SND1: variants seen among roughly 807,000 people sequenced by gnomAD.
SND1 encodes staphylococcal nuclease domain-containing protein 1.
Under a neutral mutation model 121.7 loss-of-function variants are expected in SND1, and 38 were observed. That is an observed-to-expected ratio of 0.31 (90% CI 0.24 to 0.41). SND1 has a LOEUF of 0.41. Among genes scored for constraint, SND1 ranks in the 10% least tolerant of loss-of-function variants. The pLI, the probability that SND1 is intolerant of heterozygous loss-of-function variation, is 1.00. For missense variants in SND1, 868 were observed against 1,184.6 expected, an observed-to-expected ratio of 0.73 and a Z score of 3.92; for synonymous variants, 401 against 447.4, an observed-to-expected ratio of 0.90 and a Z score of 1.31.
intron 18 of SND1, chr7:128,081,987 T>C (rs1793611205): frequency 1.9e-6 from 1 of 533,088 alleles, no homozygotes; most frequent in African/African-American, 1.9e-5. Context: ...TAGCCCTGAG[T>C]GATAGCCAGT....
At chr7:127,742,672 T>C (rs1193293196) in intron 10 of SND1, among the ~76,000 whole-genome samples, 3 of 152,172 alleles carry the variant, frequency 2.0e-5, no homozygotes, top group Non-Finnish European at 4.4e-5. Context: ...ATGTTTTAAC[T>C]GTGTAGTCAT....
At position 127,922,199 on chromosome 7, in the gene SND1, T is replaced by TTTTTG. The variant is rs1554443304; in HGVS notation, c.1528-6982_1528-6978dup. 4.1e-3 allele frequency among the ~76,000 whole-genome samples: 380 copies of TTTTTG among 93,080 alleles called. 3 individuals carry two copies. Among genetic ancestry groups the TTTTTG allele is most frequent in the African/African-American group, 6.6e-3 (151 of 22,988 alleles). The allele number at this position is 93,080 out of a possible 152,430, so 61.1% of individuals were successfully genotyped here. On this transcript the variant is annotated intron_variant, in intron 14 of 23. Coordinates refer to ENST00000354725, the MANE Select transcript of SND1 (RefSeq NM_014390.4). Reference sequence around the variant, plus strand: ...CCTTTTTTTTTTTTTTTTTTTTTTTTTTTTGTTTTGTGAGGCAAGATCCCA... The same window carrying TTTTTG: ...CCTTTTTTTTTTTTTTTTTTTTTTTTTTTTGTTTTGTTTTGTGAGGCAAGATCCCA...
intron 1 of SND1, among the ~76,000 whole-genome samples, chr7:127,670,844 A>G (rs532406174): frequency 1.3e-5 from 2 of 152,210 alleles, no homozygotes; most frequent in Admixed American, 6.5e-5. Context: ...TAAAAAAAAA[A>G]AAAACCATGA....
At chr7:127,859,438 G>A (rs905162963) in intron 12 of SND1, among the ~76,000 whole-genome samples, 2 of 152,158 alleles carry the variant, frequency 1.3e-5, no homozygotes, top group Admixed American at 6.5e-5. Context: ...AGAACCAATA[G>A]GAATGAGTTT....
intron 14 of SND1, among the ~76,000 whole-genome samples, chr7:127,920,968 G>GT (rs1266024939): frequency 6.6e-6 from 1 of 152,050 alleles, no homozygotes; most frequent in Non-Finnish European, 1.5e-5. Flanking sequence ...ATTTCTAAAG[G>GT]TTAAATTGAA....
chr7:127,657,504 A>AT (rs1368232210), intron 1 of SND1, among the ~76,000 whole-genome samples: 1 of 151,974 alleles, frequency 6.6e-6, no homozygotes, highest in Non-Finnish European at 1.5e-5. Context: ...TTTATTTTTT[A>AT]TTTTTTTCAG....
intron 12 of SND1, among the ~76,000 whole-genome samples, chr7:127,860,824 G>A (rs571975777): frequency 6.6e-6 from 1 of 152,280 alleles, no homozygotes; most frequent in East Asian, 1.9e-4. Context: ...TTGGGGTGAT[G>A]AAATAAATTC....
intron 16 of SND1, among the ~76,000 whole-genome samples, chr7:127,992,758 A>G (rs1178702588): frequency 6.6e-6 from 1 of 152,180 alleles, no homozygotes; most frequent in African/African-American, 2.4e-5. Context: ...CCCACTGATG[A>G]GATCCAAAAG....
intron 10 of SND1, among the ~76,000 whole-genome samples, chr7:127,760,899 A>G (rs1797294131): frequency 6.6e-6 from 1 of 152,194 alleles, no homozygotes; most frequent in South Asian, 2.1e-4. Flanking sequence ...ATGAACCAGA[A>G]ACTATATTGT....
chr7:127,788,671 G>C (rs913448588), intron 10 of SND1, among the ~76,000 whole-genome samples: 25 of 152,100 alleles, frequency 1.6e-4, no homozygotes, highest in Admixed American at 1.6e-3. Context: ...TTCAGAAATC[G>C]CTTTGAATGT....
intron 12 of SND1, among the ~76,000 whole-genome samples, chr7:127,885,345 T>G (rs901115945): frequency 1.3e-5 from 2 of 152,158 alleles, no homozygotes; most frequent in African/African-American, 4.8e-5. Flanking sequence ...TGTTATCATT[T>G]CATGTATTTT....
At chr7:127,873,758 A>T (rs901712426) in intron 12 of SND1, among the ~76,000 whole-genome samples, 1 of 152,128 alleles carries the variant, frequency 6.6e-6, no homozygotes, top group African/African-American at 2.4e-5. Context: ...TGTTCTTCCC[A>T]CAACAGCATC....
intron 11 of SND1, among the ~76,000 whole-genome samples, chr7:127,830,317 A>T (rs1480088824): frequency 6.6e-6 from 1 of 151,606 alleles, no homozygotes; most frequent in East Asian, 1.9e-4. Flanking sequence ...CAGGAGGCAG[A>T]GGTTGCAGTG....
intron 14 of SND1, among the ~76,000 whole-genome samples, chr7:127,923,356 C>T (rs568027359): frequency 9.9e-5 from 15 of 152,102 alleles, no homozygotes; most frequent in African/African-American, 3.6e-4. Flanking sequence ...GTGTTCTCCT[C>T]TGTGTTCACT....
At chr7:127,698,042 G>A (rs1387366506) in intron 3 of SND1, among the ~76,000 whole-genome samples, 3 of 152,222 alleles carry the variant, frequency 2.0e-5, no homozygotes, top group South Asian at 2.1e-4. Context: ...CAATAGCCTC[G>A]AACTACAATT....
chr7:127,855,500 T>C lies in SND1; in HGVS notation c.1343+11076T>C, dbSNP rs576266681. 5.9e-5 allele frequency among the ~76,000 whole-genome samples: 8 copies of C among 135,398 alleles called. No individual in the cohort carries two copies. In the East Asian group the frequency reaches 2.8e-3, roughly 47 times the overall value. 88.8% of individuals were successfully genotyped at this position (135,398 alleles called of 152,430 possible). ...ATTAGATACTGTGTAATCATGGGCC[T>C]TAGTTTTTTTTGTTTTTTTGATTTT... is the stretch of plus-strand genomic sequence containing the variant. On this transcript the variant is annotated intron_variant, in intron 12 of 23. Transcript: ENST00000354725.
chr7:127,792,157 T>C (rs968324980), intron 10 of SND1, among the ~76,000 whole-genome samples: 1 of 152,254 alleles, frequency 6.6e-6, no homozygotes, highest in Non-Finnish European at 1.5e-5. Context: ...CATTTCTCGG[T>C]CATCACATAT....
At chr7:127,661,885 G>T (rs565203075) in intron 1 of SND1, among the ~76,000 whole-genome samples, 4 of 152,298 alleles carry the variant, frequency 2.6e-5, no homozygotes, top group Non-Finnish European at 4.4e-5. Flanking sequence ...GGAAGCCGAG[G>T]TGGGTAGATC....
chr7:127,953,509 A>G (rs1801517984), intron 15 of SND1, among the ~76,000 whole-genome samples: 1 of 151,884 alleles, frequency 6.6e-6, no homozygotes, highest in South Asian at 2.1e-4. Flanking sequence ...TGAAGTAAAC[A>G]TTTGCATGTG....
Sources: allele counts gnomAD v4.1 joint callset (sites outside exome capture counted in the v4.1 genomes callset), GRCh38; gene constraint gnomAD v4.1.1; transcripts MANE v1.5; gene names NCBI Gene and HGNC (gene_info 2026-07-23, HGNC 2026-07-21).